The following NAV2 variants were observed in gnomAD, a reference collection of about 807,000 sequenced individuals.
The protein encoded by NAV2 is neuron navigator 2, also known as helicase, APC down-regulated 1.
A neutral mutation model predicts 223.2 loss-of-function variants in NAV2; 54 were observed. The observed-to-expected ratio is 0.24, with a 90% CI of 0.19 to 0.30. The LOEUF is 0.30. NAV2 is among the 10% of genes least tolerant of loss of function. The probability of loss-of-function intolerance (pLI) is 1.00; values close to 1 mark genes in which losing one functional copy is unlikely to be tolerated. For synonymous variants in NAV2, 1,279 were observed against 1,239.3 expected (o/e 1.03, Z -0.67); for missense variants, 2,806 against 3,147.5 (o/e 0.89, Z 2.60).
chr11:19,374,309 GTTTTT>G (rs10533713), intron 1 of NAV2, among the ~76,000 whole-genome samples: 145 of 124,574 alleles, frequency 1.2e-3, no homozygotes, highest in Non-Finnish European at 1.9e-3. Context: ...TTCCGAAAAG[GTTTTT>G]TTTTTTTTTT....
intron 11 of NAV2, among the ~76,000 whole-genome samples, chr11:19,990,218 A>G (rs188224487): frequency 2.6e-5 from 4 of 152,262 alleles, no homozygotes; most frequent in South Asian, 4.1e-4. Flanking sequence ...GCAAGTTTAG[A>G]AAAGGGATGC....
At chr11:19,586,541 G>A (rs949820419) in intron 1 of NAV2, among the ~76,000 whole-genome samples, 14 of 152,060 alleles carry the variant, frequency 9.2e-5, no homozygotes, top group Non-Finnish European at 1.5e-4. Context: ...TGATGGTGAC[G>A]TACATATGGG....
chr11:19,632,867 C>T (rs2047385563), intron 1 of NAV2, among the ~76,000 whole-genome samples: 1 of 152,196 alleles, frequency 6.6e-6, no homozygotes, highest in South Asian at 2.1e-4. Context: ...AGGCACTGTA[C>T]CCACATGCAT....
At chr11:19,610,378 C>T (rs2046603343) in intron 1 of NAV2, among the ~76,000 whole-genome samples, 1 of 152,144 alleles carries the variant, frequency 6.6e-6, no homozygotes, top group African/African-American at 2.4e-5. Context: ...ATGGGGAAAT[C>T]AGATTTTGCC....
At chr11:19,989,551 A>T (rs1255805782) in intron 11 of NAV2, among the ~76,000 whole-genome samples, 1 of 152,212 alleles carries the variant, frequency 6.6e-6, no homozygotes, top group Non-Finnish European at 1.5e-5. Flanking sequence ...TTAACTTGTT[A>T]TGGCAATAGA....
At chr11:20,032,575 C>T (rs971120909) in intron 11 of NAV2, among the ~76,000 whole-genome samples, 2 of 152,206 alleles carry the variant, frequency 1.3e-5, no homozygotes, top group African/African-American at 4.8e-5. Flanking sequence ...ATTTTAGATA[C>T]ATTAAATTCC....
chr11:19,838,400 G>A (rs1249872821), intron 2 of NAV2, among the ~76,000 whole-genome samples: 1 of 152,146 alleles, frequency 6.6e-6, no homozygotes, highest in African/African-American at 2.4e-5. Flanking sequence ...ATTAAAGTGA[G>A]ACAGGCAAAG....
chr11:20,085,997 A>T (rs1385236909), intron 26 of NAV2, among the ~76,000 whole-genome samples: 1 of 152,232 alleles, frequency 6.6e-6, no homozygotes, highest in Admixed American at 6.5e-5. Flanking sequence ...TGACCCAAAA[A>T]ATAAATAACA....
rs767494316 is a variant in NAV2, at chr11:19,933,347, G to T, written c.1103G>T (p.Ser368Ile). The T allele has an allele frequency of 6.2e-7, 1 of 1,608,018 alleles. No homozygotes were observed. The highest frequency in any genetic ancestry group is 1.7e-5 in the Admixed American group (1 of 59,160). Residue 368 changes from serine to isoleucine, a missense_variant, in exon 7 of 38, where the codon AGT becomes ATT. This residue lies in a region of NAV2 where 1,167 missense variants were observed against 1,180.5 expected (regional missense o/e 0.99). Coordinates refer to ENST00000349880, the MANE Select transcript of NAV2 (RefSeq NM_145117.5). The surrounding 1 kb of genome is among the most constrained non-coding windows in gnomAD (Gnocchi z 4.3). ...WRSKSLSVKHSATVSMLSVKP... is the reference protein window; with the variant it reads ...WRSKSLSVKHIATVSMLSVKP... ...AGCAAATCCCTCAGCGTGAAGCACA[G>T]TGCCACGGTATCCATGCTCTCGGTC...
intron 7 of NAV2, among the ~76,000 whole-genome samples, chr11:19,934,848 A>T (rs1035976176): frequency 3.3e-5 from 5 of 152,024 alleles, no homozygotes; most frequent in African/African-American, 1.2e-4. Context: ...ACAAGAGCTC[A>T]TGTTCTGAGG....
intron 3 of NAV2, among the ~76,000 whole-genome samples, chr11:19,856,892 TG>T (rs2061436494): frequency 6.6e-6 from 1 of 152,232 alleles, no homozygotes; most frequent in South Asian, 2.1e-4. Context: ...ACACTATCGT[TG>T]GAATTTCAGG....
rs149652451 is a variant in NAV2 at position 19,899,034 on chromosome 11, G to A, written c.931+6440G>A. Among the ~76,000 whole-genome samples, 404 of 152,270 alleles carry A rather than the reference G, an allele frequency of 2.7e-3. 3 individuals carry two copies. Among genetic ancestry groups the A allele is most frequent in the Non-Finnish European group, 4.4e-3 (296 of 68,012 alleles). ...TCCAGACTCAGTTTCCCCTCTGTGA[G>A]TCTGAGGTCCTCCATCACTAAACCA... On this transcript the variant is annotated intron_variant, in intron 6 of 37. Coordinates refer to ENST00000349880, the MANE Select transcript of NAV2 (RefSeq NM_145117.5).
intron 6 of NAV2, among the ~76,000 whole-genome samples, chr11:19,900,120 G>A (rs1188690399): frequency 1.3e-5 from 2 of 152,192 alleles, no homozygotes; most frequent in African/African-American, 4.8e-5. Context: ...CAACCTAGAG[G>A]TGTGAACCAA....
At position 19,360,226 on chromosome 11, in the gene NAV2, C is replaced by T. The variant is rs372958435; in HGVS notation, c.75+9199C>T. On this transcript the variant is annotated intron_variant, in intron 1 of 37. Transcript: ENST00000360655. ...AAGTCAATTATTAGCACAATCTTCC[C>T]ACCCTTGAGACCTGATCAAATTCCT... Among the ~76,000 whole-genome samples the T allele has an allele frequency of 2.6e-5, 4 of 152,326 alleles. No homozygotes were observed. In the East Asian group the frequency reaches 7.7e-4, roughly 29 times the overall value.
At chr11:19,522,869 C>T (rs146362381) in intron 1 of NAV2, among the ~76,000 whole-genome samples, 173 of 152,322 alleles carry the variant, frequency 1.1e-3, no homozygotes, top group African/African-American at 3.6e-3. Flanking sequence ...TAGAGCTCAG[C>T]GTCCTCCATA....
chr11:19,381,945 C>T (rs558126689), intron 1 of NAV2, among the ~76,000 whole-genome samples: 55 of 152,246 alleles, frequency 3.6e-4, no homozygotes, highest in African/African-American at 1.3e-3. Context: ...ATCAAAGCAG[C>T]TCTGGGCAGT....
At chr11:19,761,526 A>G (rs1019090384) in intron 1 of NAV2, among the ~76,000 whole-genome samples, 11 of 152,216 alleles carry the variant, frequency 7.2e-5, no homozygotes, top group Non-Finnish European at 1.3e-4. Flanking sequence ...TGATCCAGGC[A>G]GCACAATAGC....
At chr11:19,740,079 G>T (rs568430687) in intron 1 of NAV2, among the ~76,000 whole-genome samples, 1 of 152,162 alleles carries the variant, frequency 6.6e-6, no homozygotes, top group Admixed American at 6.5e-5. Context: ...TTTGTACTGC[G>T]CACTTTGGAG....
intron 1 of NAV2, among the ~76,000 whole-genome samples, chr11:19,370,852 G>A (rs973472645): frequency 6.6e-6 from 1 of 152,226 alleles, no homozygotes; most frequent in African/African-American, 2.4e-5. Context: ...TTGTGTAACA[G>A]CAGCCAGCTG....
Sources: allele counts gnomAD v4.1 joint callset (sites outside exome capture counted in the v4.1 genomes callset), GRCh38; gene constraint gnomAD v4.1.1; regional missense constraint gnomAD v4.1.1; non-coding constraint Gnocchi (gnomAD v3.1); transcripts MANE v1.5; gene names NCBI Gene and HGNC (gene_info 2026-07-23, HGNC 2026-07-21).